Variants in CFAP61 observed in about 807,000 individuals in gnomAD.
CFAP61 encodes cilia and flagella associated protein 61.
Under a neutral mutation model 135.6 loss-of-function variants are expected in CFAP61, and 107 were observed. The observed-to-expected ratio is 0.79, with a 90% confidence interval of 0.67 to 0.93. The LOEUF (loss-of-function observed/expected upper bound fraction) is 0.93. Among genes scored for constraint, CFAP61 ranks in the 40% least tolerant of loss-of-function variants. The pLI is 0.00. For synonymous variants in CFAP61, 575 were observed against 578.5 expected (o/e 0.99, Z 0.09); for missense variants, 1,507 against 1,556.2 (o/e 0.97, Z 0.53).
At chr20:20,145,359 A>T (rs1285632123) in intron 9 of CFAP61, among the ~76,000 whole-genome samples, 1 of 152,204 alleles carries the variant, frequency 6.6e-6, no homozygotes, top group Non-Finnish European at 1.5e-5. Flanking sequence ...TGTACCACTA[A>T]TGTTATAAAT....
chr20:20,287,731 A>G lies in CFAP61; in HGVS notation c.2797-878A>G, dbSNP rs117470462. ...TATGTTCATTTTTTAGCATGCTTTT[A>G]ATAAAGTGGCAGACTATTTTAGGGA... is the stretch of plus-strand genomic sequence containing the variant. On this transcript the variant is annotated intron_variant, in intron 22 of 26. Transcript: ENST00000245957. 3.1e-3 allele frequency among the ~76,000 whole-genome samples: 468 copies of G among 152,312 alleles called. 3 individuals carry two copies. Among genetic ancestry groups the G allele is most frequent in the Admixed American group, 0.01 (158 of 15,298 alleles).
intron 22 of CFAP61, among the ~76,000 whole-genome samples, chr20:20,285,809 A>G (rs1025776406): frequency 6.6e-6 from 1 of 151,850 alleles, no homozygotes; most frequent in African/African-American, 2.4e-5. Context: ...AGTTCCAGCT[A>G]CATGGGGGGG....
chr20:20,100,164 G>A (rs2146641077), intron 8 of CFAP61, among the ~76,000 whole-genome samples: 1 of 150,214 alleles, frequency 6.7e-6, no homozygotes, highest in East Asian at 1.9e-4. Context: ...TTTGAAAGCA[G>A]CACTAAATGG....
chr20:20,229,653 T>G (rs917202097), intron 18 of CFAP61, among the ~76,000 whole-genome samples: 1 of 152,168 alleles, frequency 6.6e-6, no homozygotes, highest in Non-Finnish European at 1.5e-5. Context: ...TAATCCCAAG[T>G]GGTTATTTTG....
intron 26 of CFAP61, among the ~76,000 whole-genome samples, chr20:20,346,033 C>T (rs2058620904): frequency 7.1e-6 from 1 of 141,358 alleles, no homozygotes; most frequent in Non-Finnish European, 1.6e-5. Flanking sequence ...TCCCGAGTAG[C>T]TGGGACTACA....
At chr20:20,209,363 T>A (rs2047466863) in intron 17 of CFAP61, among the ~76,000 whole-genome samples, 1 of 152,206 alleles carries the variant, frequency 6.6e-6, no homozygotes, top group African/African-American at 2.4e-5. Context: ...TATTGCTCAG[T>A]CAAAGGTAAA....
At chr20:20,295,904 C>A (rs908309656) in intron 24 of CFAP61, among the ~76,000 whole-genome samples, 4 of 151,324 alleles carry the variant, frequency 2.6e-5, no homozygotes, top group African/African-American at 9.7e-5. Context: ...GGAGACCAGG[C>A]CCCTGCAGCC....
At chr20:20,081,946 T>C (rs900929370) in intron 6 of CFAP61, among the ~76,000 whole-genome samples, 8 of 152,202 alleles carry the variant, frequency 5.3e-5, no homozygotes, top group Admixed American at 4.6e-4. Flanking sequence ...GTCAGTGCCT[T>C]TGCCTGCAGA....
rs1026811088 is a variant in CFAP61, at chr20:20,074,794, G to A, written c.372-395G>A. Among the ~76,000 whole-genome samples, 10 of 152,316 alleles carry A rather than the reference G, an allele frequency of 6.6e-5. 1 individual carries two copies. In the East Asian group the frequency reaches 1.5e-3, roughly 23 times the overall value. On this transcript the variant is annotated intron_variant, in intron 4 of 26. Transcript: ENST00000245957. ...ACCAGCAGGGCTACCGAGTCATGGC[G>A]ATGTGTCTCTGACAGCCTCTGACAG...
intron 17 of CFAP61, among the ~76,000 whole-genome samples, chr20:20,204,053 C>T (rs1334868731): frequency 6.6e-6 from 1 of 152,196 alleles, no homozygotes. Flanking sequence ...AGAGCCCCTC[C>T]CATTGCCTCA....
intron 26 of CFAP61, among the ~76,000 whole-genome samples, chr20:20,344,125 G>A (rs765359333): frequency 3.9e-5 from 6 of 152,238 alleles, no homozygotes; most frequent in Non-Finnish European, 8.8e-5. Flanking sequence ...CACAGGAAGT[G>A]GTGATGCATA....
At chr20:20,279,484 T>C (rs1442576153) in intron 22 of CFAP61, among the ~76,000 whole-genome samples, 1 of 152,224 alleles carries the variant, frequency 6.6e-6, no homozygotes, top group Non-Finnish European at 1.5e-5. Context: ...AAAATATATT[T>C]ATTCTTCATT....
In CFAP61 at chr20:20,056,721, A is replaced by T. The variant is rs1028382781; in HGVS notation, c.68A>T (p.Asp23Val). Residue 23 changes from aspartate to valine, a missense_variant, in exon 2 of 27, where the codon GAT becomes GTT. Physicochemically the swap from Asp to Val is radical, Grantham distance 152. Transcript: ENST00000245957. Reference protein sequence around the residue: ...VVHCRRTESQDVYCIKSLIRK... With the variant: ...VVHCRRTESQVVYCIKSLIRK... ...CATTGCCGAAGAACAGAATCACAGG[A>T]TGTTTATTGTATCAAAAGCCTTATT... is the stretch of plus-strand genomic sequence containing the variant. 5 of 1,614,072 alleles carry T rather than the reference A, an allele frequency of 3.1e-6. No homozygotes were observed.
intron 24 of CFAP61, 88 bp downstream of exon 24, chr20:20,290,479 G>A: frequency 1.1e-6 from 1 of 878,154 alleles, no homozygotes; most frequent in East Asian, 2.6e-5. Flanking sequence ...AGTCTTTACT[G>A]TAATGTGTTG....
At chr20:20,152,400 A>T (rs887132111) in intron 9 of CFAP61, among the ~76,000 whole-genome samples, 2 of 152,188 alleles carry the variant, frequency 1.3e-5, no homozygotes, top group African/African-American at 4.8e-5. Flanking sequence ...TAAATGGTGT[A>T]AATGTTCCAC....
chr20:20,277,843 G>T (rs1037221423), intron 22 of CFAP61, among the ~76,000 whole-genome samples: 3 of 152,196 alleles, frequency 2.0e-5, no homozygotes, highest in African/African-American at 7.2e-5. Flanking sequence ...ATCAACTTTA[G>T]TTGAGATTTT....
chr20:20,296,087 T>TACC (rs2055468416), intron 24 of CFAP61, among the ~76,000 whole-genome samples: 1 of 25,378 alleles, frequency 3.9e-5, no homozygotes, highest in Non-Finnish European at 9.2e-5. Flanking sequence ...CTTTTCTTCC[T>TACC]TCTTTCCTTC....
chr20:20,056,926 T>C (rs2044390548), intron 2 of CFAP61, 130 bp downstream of exon 2: 6 of 735,890 alleles, frequency 8.2e-6, no homozygotes, highest in Non-Finnish European at 1.1e-5. Flanking sequence ...AAGACCAGCC[T>C]GGCCGACATG....
At chr20:20,189,138 T>C (rs572295454) in intron 14 of CFAP61, among the ~76,000 whole-genome samples, 3 of 152,350 alleles carry the variant, frequency 2.0e-5, no homozygotes, top group Non-Finnish European at 4.4e-5. Flanking sequence ...TTTTAGTTAA[T>C]TTTTAAGTCA....
Sources: allele counts gnomAD v4.1 joint callset (sites outside exome capture counted in the v4.1 genomes callset), GRCh38; gene constraint gnomAD v4.1.1; transcripts MANE v1.5; gene names NCBI Gene and HGNC (gene_info 2026-07-23, HGNC 2026-07-21).